Variants in LRRC4C observed in about 807,000 individuals in gnomAD.
LRRC4C encodes leucine rich repeat containing 4C.
LRRC4C carries 5 observed loss-of-function variants against 33.6 expected under a neutral mutation model. The observed-to-expected ratio is 0.15, with a 90% CI of 0.08 to 0.31. The LOEUF is 0.31. Among genes scored for constraint, LRRC4C ranks in the 10% least tolerant of loss-of-function variants. LRRC4C has a pLI of 1.00. For synonymous variants in LRRC4C, 329 were observed against 302.0 expected, an observed-to-expected ratio of 1.09 and a Z score of -0.93; for missense variants, 560 against 796.7, an observed-to-expected ratio of 0.70 and a Z score of 3.58.
chr11:40,662,709 C>T (rs999551125), intron 2 of LRRC4C, among the ~76,000 whole-genome samples: 6 of 152,172 alleles, frequency 3.9e-5, no homozygotes, highest in Non-Finnish European at 7.3e-5. Flanking sequence ...ATCAGAAGAT[C>T]TGGGTTCAAA....
At chr11:41,025,529 G>GA (rs34225878) in intron 1 of LRRC4C, among the ~76,000 whole-genome samples, 35 of 149,078 alleles carry the variant, frequency 2.3e-4, no homozygotes, top group East Asian at 8.0e-4. Flanking sequence ...TAAAAAAAAA[G>GA]AAAAAAAAAA....
chr11:40,778,546 G>T (rs2137249562), intron 2 of LRRC4C, among the ~76,000 whole-genome samples: 1 of 152,254 alleles, frequency 6.6e-6, no homozygotes, highest in South Asian at 2.1e-4. Flanking sequence ...ATAATAATTT[G>T]AGATGGTGCT....
At chr11:41,017,051 T>C (rs993772871) in intron 1 of LRRC4C, among the ~76,000 whole-genome samples, 2 of 152,214 alleles carry the variant, frequency 1.3e-5, no homozygotes, top group African/African-American at 4.8e-5. Context: ...AGTTGATACC[T>C]GAGACTGAAT....
Position 40,560,244 on chromosome 11 carries a change from C to A in LRRC4C, c.-270+87898G>T, listed in dbSNP as rs12277521. Among the ~76,000 whole-genome samples the A allele has an allele frequency of 6.5e-3, 989 of 151,034 alleles. 15 individuals are homozygous for A. Among genetic ancestry groups the A allele is most frequent in the African/African-American group, 0.023 (947 of 41,190 alleles). On this transcript the variant is annotated intron_variant, in intron 3 of 6. Coordinates refer to ENST00000528697, the MANE Select transcript of LRRC4C (RefSeq NM_001258419.2). ...TTATAGCACAAACAAATACACAGAG[C>A]AAACATCAGTCCTACAAGATTTGTA...
At chr11:40,868,566 G>A (rs774200040) in intron 2 of LRRC4C, among the ~76,000 whole-genome samples, 1 of 152,022 alleles carries the variant, frequency 6.6e-6, no homozygotes, top group African/African-American at 2.4e-5. Context: ...TAGATGAGAA[G>A]AGTTTCTTCC....
chr11:41,326,485 A>T (rs1951122182), intron 1 of LRRC4C, among the ~76,000 whole-genome samples: 1 of 152,064 alleles, frequency 6.6e-6, no homozygotes, highest in Non-Finnish European at 1.5e-5. Context: ...TCATATATAC[A>T]TCTATCCTAT....
At chr11:41,091,591 C>T (rs973472685) in intron 1 of LRRC4C, among the ~76,000 whole-genome samples, 2 of 151,880 alleles carry the variant, frequency 1.3e-5, no homozygotes. Context: ...CCATGTTATT[C>T]TCAATAAATA....
intron 1 of LRRC4C, among the ~76,000 whole-genome samples, chr11:41,380,599 A>G (rs1953106837): frequency 6.6e-6 from 1 of 152,162 alleles, no homozygotes; most frequent in Admixed American, 6.6e-5. Context: ...GTTTATAAGA[A>G]ACACCTATTA....
At chr11:41,028,607 T>A (rs1856534915) in intron 1 of LRRC4C, among the ~76,000 whole-genome samples, 1 of 142,038 alleles carries the variant, frequency 7.0e-6, no homozygotes, top group African/African-American at 2.6e-5. Flanking sequence ...ACACACACAC[T>A]GAAATGGGAA....
intron 2 of LRRC4C, among the ~76,000 whole-genome samples, chr11:40,703,450 G>A (rs552107341): frequency 1.3e-5 from 2 of 152,204 alleles, no homozygotes; most frequent in South Asian, 4.1e-4. Flanking sequence ...GTGGTAATGG[G>A]TGCCTGTAGT....
chr11:40,750,155 GA>G (rs1442084757), intron 2 of LRRC4C, among the ~76,000 whole-genome samples: 3 of 152,126 alleles, frequency 2.0e-5, no homozygotes, highest in African/African-American at 7.2e-5. Context: ...CCAGGAGGTG[GA>G]GATTGTGGTG....
At chr11:40,832,318 G>A (rs1009875030) in intron 2 of LRRC4C, among the ~76,000 whole-genome samples, 1 of 152,098 alleles carries the variant, frequency 6.6e-6, no homozygotes, top group African/African-American at 2.4e-5. Flanking sequence ...ATTATGTGGT[G>A]CATGCCTGTA....
chr11:40,939,124 C>T (rs1958033333), intron 1 of LRRC4C, among the ~76,000 whole-genome samples: 1 of 152,152 alleles, frequency 6.6e-6, no homozygotes. Flanking sequence ...AGAACATGGA[C>T]TAATTGTCTC....
chr11:40,232,906 T>A (rs980547416), intron 5 of LRRC4C, among the ~76,000 whole-genome samples: 1 of 152,204 alleles, frequency 6.6e-6, no homozygotes, highest in East Asian at 1.9e-4. Flanking sequence ...CACATGAAGA[T>A]CTATCATATT....
intron 1 of LRRC4C, among the ~76,000 whole-genome samples, chr11:41,317,182 G>A (rs1480916445): frequency 6.6e-6 from 1 of 151,806 alleles, no homozygotes; most frequent in Non-Finnish European, 1.5e-5. Context: ...CCTGGGTTCA[G>A]TTCTAGTTTC....
chr11:40,580,009 G>A (rs989032040), intron 3 of LRRC4C, among the ~76,000 whole-genome samples: 1 of 151,726 alleles, frequency 6.6e-6, no homozygotes, highest in African/African-American at 2.4e-5. Flanking sequence ...CCAGGTCTGA[G>A]ACTAAGGGAA....
At chr11:40,207,922 A>G in intron 5 of LRRC4C, among the ~76,000 whole-genome samples, 1 of 152,136 alleles carries the variant, frequency 6.6e-6, no homozygotes, top group East Asian at 1.9e-4. Context: ...GCCTCAATGG[A>G]GCACTCTGAG....
intron 1 of LRRC4C, among the ~76,000 whole-genome samples, chr11:41,259,560 C>A (rs1948910219): frequency 6.6e-6 from 1 of 152,054 alleles, no homozygotes; most frequent in South Asian, 2.1e-4. Flanking sequence ...AAAAAGAAGG[C>A]ATTGTTTAAT....
intron 4 of LRRC4C, among the ~76,000 whole-genome samples, chr11:40,307,485 T>G (rs533611266): frequency 6.6e-6 from 1 of 152,348 alleles, no homozygotes; most frequent in African/African-American, 2.4e-5. Flanking sequence ...AAATTCTTTT[T>G]CCTAGGGGAA....
Sources: allele counts gnomAD v4.1 joint callset (sites outside exome capture counted in the v4.1 genomes callset), GRCh38; gene constraint gnomAD v4.1.1; transcripts MANE v1.5; gene names NCBI Gene and HGNC (gene_info 2026-07-23, HGNC 2026-07-21).